Variants in RO60 observed in about 807,000 individuals in gnomAD.
The protein encoded by RO60 is RNA-binding protein RO60.
In RO60, 20 loss-of-function variants were observed where a neutral mutation model predicts 55.3. The ratio of observed to expected loss-of-function variants is 0.36; its 90% CI spans 0.25 to 0.53. The LOEUF is 0.53. Ranked by LOEUF, RO60 falls within the 20% of genes least tolerant of loss-of-function variation. The probability of loss-of-function intolerance (pLI) is 0.92; values close to 1 mark genes in which losing one functional copy is unlikely to be tolerated. For synonymous variants in RO60, 213 were observed against 213.6 expected (o/e 1.00, Z 0.02); for missense variants, 558 against 646.6 (o/e 0.86, Z 1.49).
intron 3 of RO60, among the ~76,000 whole-genome samples, chr1:193,076,250 C>T (rs926595917): frequency 7.2e-5 from 11 of 152,082 alleles, no homozygotes; most frequent in African/African-American, 2.2e-4. Context: ...AGAAAATCTA[C>T]TGCCTTGCTA....
chr1:193,084,408 C>T (rs981559417), intron 8 of RO60, among the ~76,000 whole-genome samples, 171 bp from the exon 9 acceptor site: 2 of 152,166 alleles, frequency 1.3e-5, no homozygotes, highest in African/African-American at 4.8e-5. Context: ...ATTTTATTGT[C>T]CCTTCTTCTA....
rs757425627 is a variant in RO60 at position 193,071,266 on chromosome 1, G to A, written c.580+1632G>A. ...CCTAACAGGCCACGGACTGGTATCC[G>A]TGTATAGCCTGGGAGTTGAGGGCCC... On this transcript the variant is annotated intron_variant, in intron 2 of 8. Transcript: ENST00000400968. 8.5e-5 allele frequency among the ~76,000 whole-genome samples: 13 copies of A among 152,332 alleles called. No individual in the cohort carries two copies. The South Asian group carries it at 1.4e-3, about 17-fold the overall frequency.
At chr1:193,064,486 C>T (rs1040711418) in intron 1 of RO60, among the ~76,000 whole-genome samples, 6 of 152,060 alleles carry the variant, frequency 3.9e-5, no homozygotes, top group African/African-American at 1.2e-4. Flanking sequence ...ATCACTTTGC[C>T]GAATTTTGAG....
chr1:193,062,657 C>T (rs1250918151), intron 1 of RO60, among the ~76,000 whole-genome samples: 1 of 152,188 alleles, frequency 6.6e-6, no homozygotes, highest in African/African-American at 2.4e-5. Flanking sequence ...AAATCCCCTA[C>T]CCATTAGCAG....
Position 193,081,387 on chromosome 1 carries a change from T to A in RO60, c.1110T>A (p.Arg370=), listed in dbSNP as rs1202797336. 2.5e-6 allele frequency: 4 copies of A among 1,606,768 alleles called. No individual in the cohort carries two copies. The highest frequency in any genetic ancestry group is 3.3e-5 in the Admixed American group (2 of 59,940). Residue 370 remains arginine, a synonymous_variant, in exon 6 of 9, where the codon CGT becomes CGA. Coordinates refer to ENST00000400968, the MANE Select transcript of RO60 (RefSeq NM_001173524.2). The part of the protein sequence containing the change: ...TFKTVEPTGK[R]FLLAVDVSAS... ...AGACAGTTGAACCAACTGGAAAACG[T>A]TTCTTACTAGCTGTTGATGTCAGTG...
Position 193,088,265 on chromosome 1 carries a change from GCCTC to G in RO60, c.*3537_*3540del, listed in dbSNP as rs1454015465. On this transcript the variant is annotated 3_prime_UTR_variant, in exon 9 of 9. Transcript: ENST00000400968. Reference sequence around the variant, plus strand: ...GGGCTCAAGGGATCTTCCTGCCTTGGCCTCCCGAAGTGCTGGAATTAGAGGCATG... The same window carrying G: ...GGGCTCAAGGGATCTTCCTGCCTTGGCCGAAGTGCTGGAATTAGAGGCATG... 3 of 145,964 alleles carry G rather than the reference GCCTC, an allele frequency of 2.1e-5. No individual in the cohort carries two copies. Among genetic ancestry groups the G allele is most frequent in the Non-Finnish European group, 4.4e-5 (3 of 67,754 alleles). 9.0% of individuals were successfully genotyped at this position (145,964 alleles called of 1,614,324 possible).
At chr1:193,063,508 T>C (rs1002074295) in intron 1 of RO60, among the ~76,000 whole-genome samples, 13 of 152,228 alleles carry the variant, frequency 8.5e-5, no homozygotes, top group African/African-American at 2.9e-4. Flanking sequence ...TTTTCTTGGG[T>C]TGTCTTTTCA....
rs1398243749 is a variant in RO60 at position 193,089,812 on chromosome 1, T to TC, written c.*5081_*5082insC. ...ATAAATGATATTTAACTTTTCTTTTTTTTTTTTTTTTTGAGACAGAGTCTC... is the reference window on the plus strand; with the variant it reads ...ATAAATGATATTTAACTTTTCTTTTTCTTTTTTTTTTTTGAGACAGAGTCTC... On this transcript the variant is annotated 3_prime_UTR_variant, in exon 9 of 9. Transcript: ENST00000400968. 6.6e-6 allele frequency: 1 copy of TC among 150,534 alleles called. No individual in the cohort carries two copies. The highest frequency in any genetic ancestry group is 2.4e-5 in the African/African-American group (1 of 41,106). The allele number at this position is 150,534 out of a possible 1,614,324, so 9.3% of individuals were successfully genotyped here. A position where few individuals can be genotyped will look rare whatever the true frequency, so the allele number is the denominator to read the frequency against.
intron 8 of RO60, among the ~76,000 whole-genome samples, chr1:193,083,690 C>T (rs1249741302): frequency 6.6e-6 from 1 of 152,202 alleles, no homozygotes; most frequent in African/African-American, 2.4e-5. Flanking sequence ...TTAACAAGCC[C>T]TCCAGAGGAT....
chr1:193,087,931 A>ACT lies in RO60; in HGVS notation c.*3201_*3202dup, dbSNP rs1452126375. The ACT allele has an allele frequency of 6.6e-6, 1 of 152,136 alleles. No homozygotes were observed. The highest frequency in any genetic ancestry group is 1.9e-4 in the East Asian group (1 of 5,194). 9.4% of individuals were successfully genotyped at this position (152,136 alleles called of 1,614,324 possible). Reference sequence around the variant, plus strand: ...ATTACCCAAAAAGTCACTATTCTCTACTGAAGAGGGAGAAAAAATATACTC... The same window carrying ACT: ...ATTACCCAAAAAGTCACTATTCTCTACTCTGAAGAGGGAGAAAAAATATACTC... On this transcript the variant is annotated 3_prime_UTR_variant, in exon 9 of 9. Coordinates refer to ENST00000400968, the MANE Select transcript of RO60 (RefSeq NM_001173524.2).
chr1:193,074,608 A>T (rs1324551967), intron 2 of RO60, among the ~76,000 whole-genome samples: 1 of 151,896 alleles, frequency 6.6e-6, no homozygotes, highest in African/African-American at 2.4e-5. Flanking sequence ...AATTTGTTTG[A>T]GTTCTTTGTA....
At chr1:193,075,722 T>G in intron 2 of RO60, 98 bp from the exon 3 acceptor site, 1 of 864,344 alleles carries the variant, frequency 1.2e-6, no homozygotes, top group South Asian at 1.7e-5. Context: ...CTCTTGTGTA[T>G]CCAGTTATGT....
intron 2 of RO60, among the ~76,000 whole-genome samples, chr1:193,069,852 A>T (rs1673361558): frequency 6.6e-6 from 1 of 152,224 alleles, no homozygotes; most frequent in South Asian, 2.1e-4. Context: ...TGACAGGTTT[A>T]TAGGTTAATA....
At chr1:193,065,946 T>TA (rs1437250468) in intron 1 of RO60, among the ~76,000 whole-genome samples, 1 of 152,138 alleles carries the variant, frequency 6.6e-6, no homozygotes, top group African/African-American at 2.4e-5. Flanking sequence ...CCCATGCACT[T>TA]ATCCCTACAC....
intron 1 of RO60, among the ~76,000 whole-genome samples, chr1:193,067,935 C>A (rs1384449719): frequency 6.6e-6 from 1 of 152,136 alleles, no homozygotes; most frequent in Non-Finnish European, 1.5e-5. Flanking sequence ...TTTGTTTTTT[C>A]TGTTCTGCTC....
chr1:193,070,757 A>G (rs940111344), intron 2 of RO60: 2 of 178,782 alleles, frequency 1.1e-5, no homozygotes, highest in Non-Finnish European at 1.2e-5. Context: ...TCCCTTCCAC[A>G]CATATTTTTA....
rs1431248787 is a variant in RO60, at chr1:193,082,631, G to T, written c.1387G>T (p.Val463Phe). 1 of 1,613,938 alleles carries T rather than the reference G, an allele frequency of 6.2e-7. No individual in the cohort carries two copies. The highest frequency in any genetic ancestry group is 1.7e-5 in the Admixed American group (1 of 59,980). Residue 463 changes from valine (V) to phenylalanine (F), a missense_variant, in exon 8 of 9, where the codon GTC becomes TTC. Coordinates refer to ENST00000400968, the MANE Select transcript of RO60 (RefSeq NM_001173524.2). ...WAQKTNTPADVFIVFTDNETF... is the reference protein window; with the variant it reads ...WAQKTNTPADFFIVFTDNETF... ...TCAGAAGACAAACACACCTGCTGAT[G>T]TCTTCATTGTATTCACTGATAATGA...
At chr1:193,078,219 A>T (rs1674063209) in intron 5 of RO60, among the ~76,000 whole-genome samples, 1 of 152,224 alleles carries the variant, frequency 6.6e-6, no homozygotes, top group African/African-American at 2.4e-5. Context: ...CATGATGAAA[A>T]ATAAAACCAC....
chr1:193,066,816 A>G (rs1440965670), intron 1 of RO60, among the ~76,000 whole-genome samples: 2 of 152,182 alleles, frequency 1.3e-5, no homozygotes, highest in Non-Finnish European at 2.9e-5. Flanking sequence ...GCTCTACAGG[A>G]TGCTTAGACA....
Sources: allele counts gnomAD v4.1 joint callset (sites outside exome capture counted in the v4.1 genomes callset), GRCh38; gene constraint gnomAD v4.1.1; transcripts MANE v1.5; gene names NCBI Gene and HGNC (gene_info 2026-07-23, HGNC 2026-07-21).